RYR3: variants seen among roughly 807,000 people sequenced by gnomAD.
The protein encoded by RYR3 is brain ryanodine receptor-calcium release channel.
A neutral mutation model predicts 584.3 loss-of-function variants in RYR3; 207 were observed. The observed-to-expected ratio is 0.35, with a 90% CI of 0.32 to 0.40. The LOEUF is 0.40. RYR3 is among the 10% of genes least tolerant of loss of function. The pLI, the probability that RYR3 is intolerant of heterozygous loss-of-function variation, is 1.00. For synonymous variants in RYR3, 2,416 were observed against 2,248.5 expected (o/e 1.07, Z -2.11); for missense variants, 5,616 against 6,089.2 (o/e 0.92, Z 2.59).
intron 1 of RYR3, among the ~76,000 whole-genome samples, chr15:33,349,822 C>T (rs1436550173): frequency 6.7e-6 from 1 of 148,438 alleles, no homozygotes; most frequent in African/African-American, 2.5e-5. Context: ...TCAATTCCCA[C>T]CTATGAGTGA....
rs567367323 is a variant in RYR3 at position 33,520,567 on chromosome 15, C to A, written c.280-10025C>A. On this transcript the variant is annotated intron_variant, in intron 3 of 103. Transcript: ENST00000634891. ...AATTTGGCAACATCAGATTCTTAATCTATTAGCTACAGGAGAAGGTGGTGG... is the reference window on the plus strand; with the variant it reads ...AATTTGGCAACATCAGATTCTTAATATATTAGCTACAGGAGAAGGTGGTGG... Among the ~76,000 whole-genome samples the A allele has an allele frequency of 4.0e-5, 6 of 151,646 alleles. No individual in the cohort carries two copies. In the South Asian group the frequency reaches 1.3e-3, roughly 32 times the overall value.
At chr15:33,377,254 A>C (rs1314167350) in intron 1 of RYR3, among the ~76,000 whole-genome samples, 1 of 152,250 alleles carries the variant, frequency 6.6e-6, no homozygotes, top group Non-Finnish European at 1.5e-5. Context: ...TGCTCATGTC[A>C]CATGAGTTGG....
chr15:33,659,147 C>T (rs1360034248), intron 32 of RYR3, among the ~76,000 whole-genome samples: 2 of 152,212 alleles, frequency 1.3e-5, no homozygotes, highest in Non-Finnish European at 2.9e-5. Flanking sequence ...TGCCGCTCAA[C>T]ATCCTACAGT....
intron 1 of RYR3, among the ~76,000 whole-genome samples, chr15:33,374,795 C>T (rs2040604341): frequency 6.6e-6 from 1 of 152,168 alleles, no homozygotes; most frequent in Admixed American, 6.5e-5. Context: ...TTCTGGAAAT[C>T]TTCTGGAGCC....
intron 12 of RYR3, among the ~76,000 whole-genome samples, chr15:33,567,890 T>C (rs1451404520): frequency 6.6e-6 from 1 of 152,208 alleles, no homozygotes; most frequent in Non-Finnish European, 1.5e-5. Context: ...ATCTTAACCT[T>C]GGCCACATGC....
At chr15:33,524,641 A>G (rs77598741) in intron 3 of RYR3, among the ~76,000 whole-genome samples, 3,889 of 152,270 alleles carry the variant, frequency 0.026, 63 homozygotes, top group Non-Finnish European at 0.04. Context: ...CTGGAATCTC[A>G]TCAGCTAAAT....
intron 12 of RYR3, among the ~76,000 whole-genome samples, chr15:33,579,287 G>A (rs1427630200): frequency 6.6e-6 from 1 of 152,164 alleles, no homozygotes; most frequent in Admixed American, 6.5e-5. Context: ...CAAATGGAGT[G>A]AAGGAAAGCA....
chr15:33,340,746 G>A lies in RYR3; in HGVS notation c.51+29650G>A, dbSNP rs1016446844. Among the ~76,000 whole-genome samples, 10 of 151,996 alleles carry A rather than the reference G, an allele frequency of 6.6e-5. No individual in the cohort carries two copies. In the East Asian group the frequency reaches 1.7e-3, roughly 26 times the overall value. On this transcript the variant is annotated intron_variant, in intron 1 of 103. Coordinates refer to ENST00000634891, the MANE Select transcript of RYR3 (RefSeq NM_001036.6). ...TTTAACCTTAATTATCTCTTTAAAG[G>A]CCCTATCTCCAAATAGAGTCACATT...
At chr15:33,674,791 G>GAAAAAAAAAAAAAAAAAAATAAA (rs10714497) in intron 38 of RYR3, among the ~76,000 whole-genome samples, 1 of 133,626 alleles carries the variant, frequency 7.5e-6, no homozygotes. Flanking sequence ...CATTTTTAAT[G>GAAAAAAAAAAAAAAAAAAATAAA]AAAAAAAAAA....
intron 38 of RYR3, among the ~76,000 whole-genome samples, chr15:33,690,504 A>C (rs891600454): frequency 6.6e-6 from 1 of 152,200 alleles, no homozygotes; most frequent in Non-Finnish European, 1.5e-5. Flanking sequence ...TTCTTACGTG[A>C]GATGCTCACA....
At chr15:33,580,650 A>G (rs1235432683) in intron 13 of RYR3, among the ~76,000 whole-genome samples, 1 of 152,160 alleles carries the variant, frequency 6.6e-6, no homozygotes, top group Non-Finnish European at 1.5e-5. Context: ...CCAGGACCTC[A>G]TTCTGGTTCC....
chr15:33,597,005 A>G (rs28808651), intron 16 of RYR3, among the ~76,000 whole-genome samples: 2,603 of 152,248 alleles, frequency 0.017, 36 homozygotes, highest in Non-Finnish European at 0.029. Context: ...AAACCTCCTT[A>G]TTGCCTGTGG....
chr15:33,312,059 C>T (rs1431267308), intron 1 of RYR3, among the ~76,000 whole-genome samples: 1 of 152,228 alleles, frequency 6.6e-6, no homozygotes, highest in Non-Finnish European at 1.5e-5. Flanking sequence ...TAAAATGTAA[C>T]CAGCGTTTCA....
rs754490392 is a variant in RYR3, at chr15:33,601,529, A to G, written c.1899A>G (p.Thr633=). Residue 633 remains threonine, a synonymous_variant, in exon 17 of 104, where the codon ACA becomes ACG. Coordinates refer to ENST00000634891, the MANE Select transcript of RYR3 (RefSeq NM_001036.6). ...CCCGGAGAAACCTACTCCTGCAGAC[A>G]CGACTGATTAACGATGTAACCAGGT... ...LLPRRNLLLQ[T]RLINDVTSIR... The G allele has an allele frequency of 4.5e-5, 73 of 1,613,692 alleles. No individual in the cohort carries two copies. The highest frequency in any genetic ancestry group is 6.2e-5 in the Non-Finnish European group (73 of 1,179,824).
At chr15:33,465,748 G>A in intron 1 of RYR3, 1 of 519,072 alleles carries the variant, frequency 1.9e-6, no homozygotes. Flanking sequence ...GAGCTAGGTG[G>A]TGGTGGTGAA....
chr15:33,563,620 A>G (rs1163910945), intron 11 of RYR3, among the ~76,000 whole-genome samples: 1 of 152,166 alleles, frequency 6.6e-6, no homozygotes, highest in Non-Finnish European at 1.5e-5. Flanking sequence ...GATGTCAAAG[A>G]TGTGATGCTT....
At chr15:33,337,933 GATTTTTTTTTTTTT>G (rs1971328279) in intron 1 of RYR3, among the ~76,000 whole-genome samples, 1 of 84,118 alleles carries the variant, frequency 1.2e-5, no homozygotes, top group African/African-American at 4.0e-5. Flanking sequence ...CATTTTAGGA[GATTTTTTTTTTTTT>G]TTTTTTTTTT....
chr15:33,728,638 A>G (rs1388160304), intron 46 of RYR3, among the ~76,000 whole-genome samples: 1 of 152,230 alleles, frequency 6.6e-6, no homozygotes, highest in Non-Finnish European at 1.5e-5. Context: ...CAGAATACTC[A>G]TGAGCATTTC....
intron 10 of RYR3, among the ~76,000 whole-genome samples, chr15:33,551,780 A>G (rs968860222): frequency 5.3e-5 from 8 of 151,672 alleles, no homozygotes; most frequent in Middle Eastern, 6.8e-3. Flanking sequence ...CACAAGAGGG[A>G]TTCTTTAAAT....
Sources: allele counts gnomAD v4.1 joint callset (sites outside exome capture counted in the v4.1 genomes callset), GRCh38; gene constraint gnomAD v4.1.1; transcripts MANE v1.5; gene names NCBI Gene and HGNC (gene_info 2026-07-23, HGNC 2026-07-21).